TMPRSS9: variants seen among roughly 807,000 people sequenced by gnomAD.
TMPRSS9 encodes the protein transmembrane protease serine 9.
Under a neutral mutation model 111.4 loss-of-function variants are expected in TMPRSS9, and 113 were observed. The observed-to-expected ratio is 1.01, with a 90% confidence interval of 0.87 to 1.19. TMPRSS9 has a LOEUF of 1.19. TMPRSS9 is among the 50% of genes most tolerant of loss of function. The pLI, the probability that TMPRSS9 is intolerant of heterozygous loss-of-function variation, is 0.00. For missense variants in TMPRSS9, 1,803 were observed against 1,513.1 expected, an observed-to-expected ratio of 1.19 and a Z score of -3.18; for synonymous variants, 805 against 659.1, an observed-to-expected ratio of 1.22 and a Z score of -3.39.
chr19:2,413,674 C>A, intron 9 of TMPRSS9, 26 bp from the exon 11 acceptor site: 1 of 1,584,344 alleles, frequency 6.3e-7, no homozygotes, highest in Non-Finnish European at 8.6e-7. Flanking sequence ...GCCGACCCAT[C>A]CTGAGGGTGT....
chr19:2,382,890 C>G (rs1970403764), intron 1 of TMPRSS9, among the ~76,000 whole-genome samples: 1 of 152,126 alleles, frequency 6.6e-6, no homozygotes, highest in Non-Finnish European at 1.5e-5. Flanking sequence ...ATCTGCAGGG[C>G]AGGCCAGAGA....
intron 7 of TMPRSS9, among the ~76,000 whole-genome samples, chr19:2,407,456 G>A (rs1188162917): frequency 1.3e-5 from 2 of 151,718 alleles, no homozygotes; most frequent in Non-Finnish European, 2.9e-5. Context: ...GAACCCGGGA[G>A]GTGGAAGTTG....
chr19:2,390,535 G>A (rs1357002248), intron 1 of TMPRSS9, among the ~76,000 whole-genome samples: 54 of 148,062 alleles, frequency 3.6e-4, no homozygotes, highest in African/African-American at 1.3e-3. Flanking sequence ...GAGCCACCGC[G>A]CCCGGCCCCA....
In TMPRSS9 at chr19:2,425,440, A is replaced by T. The variant is rs1402582399; in HGVS notation, c.3067A>T (p.Ser1023Cys). 3.1e-6 allele frequency: 5 copies of T among 1,591,664 alleles called. No individual in the cohort carries two copies. The South Asian group carries it at 5.6e-5, about 18-fold the overall frequency. ...CCGCCGCTTCTACCCAGTGCAGATCAGCAGCCGCATGCTGTGTGCCGGCTT... is the reference window on the plus strand; with the variant it reads ...CCGCCGCTTCTACCCAGTGCAGATCTGCAGCCGCATGCTGTGTGCCGGCTT... The change falls in exon 17 of 18, where the codon AGC becomes TGC. Residue 1023 changes from serine (S) to cysteine (C), a missense_variant. By Grantham distance (112) the Ser-to-Cys change is moderately radical. Transcript: ENST00000648592.
At chr19:2,379,776 T>G in intron 1 of TMPRSS9, among the ~76,000 whole-genome samples, 1 of 150,624 alleles carries the variant, frequency 6.6e-6, no homozygotes, top group East Asian at 1.9e-4. Context: ...TCTTTCTTTC[T>G]CTCTTTCTTT....
At position 2,415,807 on chromosome 19, in the gene TMPRSS9, C is replaced by T. The variant is rs536594781; in HGVS notation, c.1711C>T (p.Arg571Cys). The change falls in exon 11 of 18, where the codon CGC (arginine) becomes TGC (cysteine). Residue 571 changes from arginine to cysteine, a missense_variant. Arg to Cys is a radical substitution (Grantham distance 180). Coordinates refer to ENST00000648592, the Ensembl canonical transcript of TMPRSS9. ...CTGCGGAGCAACTGTGGTGGGGGACCGCTGGCTGCTGTCTGCCGCCCACTG... is the reference window on the plus strand; with the variant it reads ...CTGCGGAGCAACTGTGGTGGGGGACTGCTGGCTGCTGTCTGCCGCCCACTG... The T allele has an allele frequency of 3.2e-5, 52 of 1,602,252 alleles. No homozygotes were observed. The highest frequency in any genetic ancestry group is 5.3e-5 in the African/African-American group (4 of 74,780).
chr19:2,395,835 G>C (rs188275013), intron 1 of TMPRSS9, among the ~76,000 whole-genome samples: 1 of 152,050 alleles, frequency 6.6e-6, no homozygotes, highest in East Asian at 1.9e-4. Context: ...GTGAAATCCC[G>C]TCTCTACTAA....
chr19:2,379,615 C>CTCCTTCTT (rs1970365963), intron 1 of TMPRSS9, among the ~76,000 whole-genome samples: 2 of 118,510 alleles, frequency 1.7e-5, no homozygotes, highest in African/African-American at 3.2e-5. Flanking sequence ...AACTTTCTTT[C>CTCCTTCTT]TCTTTCTTTC....
chr19:2,411,112 C>A (rs1233249329), intron 9 of TMPRSS9, among the ~76,000 whole-genome samples: 1 of 151,656 alleles, frequency 6.6e-6, no homozygotes, highest in Non-Finnish European at 1.5e-5. Context: ...CCAGCCTGAG[C>A]AACATGGCGA....
intron 1 of TMPRSS9, among the ~76,000 whole-genome samples, chr19:2,382,959 C>T (rs752049144): frequency 6.6e-5 from 10 of 152,208 alleles, no homozygotes; most frequent in Non-Finnish European, 1.5e-4. Flanking sequence ...GGCAGATTTC[C>T]TTCCTCTTGG....
At position 2,417,290 on chromosome 19, in the gene TMPRSS9, ACCC is replaced by A. The variant is rs1003466297; in HGVS notation, c.2017+483_2017+485del. ...AGATCAGCCTGGCCAACATGGTGAA[ACCC>A]CGTCTCTACTAGAAATACAAAAATT... On this transcript the variant is annotated intron_variant, in intron 12 of 17. Transcript: ENST00000648592. 1.0e-3 allele frequency among the ~76,000 whole-genome samples: 158 copies of A among 152,086 alleles called. 1 individual carries two copies. The highest frequency in any genetic ancestry group is 3.7e-3 in the African/African-American group (154 of 41,498).
intron 10 of TMPRSS9, 129 bp from the exon 12 acceptor site, chr19:2,415,541 T>C (rs1399206234): frequency 4.5e-6 from 4 of 882,838 alleles, no homozygotes; most frequent in African/African-American, 3.5e-5. Context: ...CACGGCTTCT[T>C]GTGTGGAACG....
chr19:2,389,646 G>C (rs960342151), upstream of TMPRSS9: 3 of 1,009,620 alleles, frequency 3.0e-6, no homozygotes, highest in African/African-American at 4.9e-5. Context: ...GGGATGACAG[G>C]CGTGAGCCAC....
chr19:2,413,888 TC>T lies in TMPRSS9; in HGVS notation c.1445del (p.Pro482LeufsTer74). The T allele has an allele frequency of 6.2e-7, 1 of 1,613,284 alleles. No homozygotes were observed. The highest frequency in any genetic ancestry group is 8.5e-7 in the Non-Finnish European group (1 of 1,179,904). On this transcript the variant is annotated frameshift_variant, in exon 10 of 18. Transcript: ENST00000648592. LOFTEE classifies it high-confidence loss of function. ...GCATGCCTCTGGCCCCCACCATGGC[TC>T]CTGCCCCTGCCGCCCCCAGCACAGC...
At chr19:2,379,615 C>CCCTTTCTTTCTT (rs1555676514) in intron 1 of TMPRSS9, among the ~76,000 whole-genome samples, 5 of 118,618 alleles carry the variant, frequency 4.2e-5, no homozygotes, top group South Asian at 3.0e-4. Context: ...AACTTTCTTT[C>CCCTTTCTTTCTT]TCTTTCTTTC....
At chr19:2,391,717 A>AC (rs1457854150) in intron 1 of TMPRSS9, among the ~76,000 whole-genome samples, 4 of 142,762 alleles carry the variant, frequency 2.8e-5, no homozygotes, top group Admixed American at 7.1e-5. Flanking sequence ...TCCCATCAGG[A>AC]CCCCCCTGAA....
exon 16 of TMPRSS9, chr19:2,425,159 G>T: frequency 6.4e-7 from 1 of 1,569,496 alleles, no homozygotes. Flanking sequence ...GGCGGGGCCG[G>T]TGCGTCGCAG....
At chr19:2,426,039 C>A (rs7252121) in exon 18 of TMPRSS9, 3 of 1,609,182 alleles carry the variant, frequency 1.9e-6, no homozygotes, top group Non-Finnish European at 2.5e-6. Context: ...GGTGTCTATA[C>A]CCGGGTGGCA....
upstream of TMPRSS9, among the ~76,000 whole-genome samples, chr19:2,386,306 C>A (rs187221424): frequency 2.6e-5 from 4 of 151,718 alleles, no homozygotes; most frequent in Admixed American, 2.6e-4. Context: ...GAGATTGAGA[C>A]CATCCTGGCT....
Sources: allele counts gnomAD v4.1 joint callset (sites outside exome capture counted in the v4.1 genomes callset), GRCh38; gene constraint gnomAD v4.1.1; transcripts MANE v1.5; gene names NCBI Gene and HGNC (gene_info 2026-07-23, HGNC 2026-07-21).